Variants in SOS1 observed in about 807,000 individuals in gnomAD.
The protein encoded by SOS1 is SOS Ras/Rac guanine nucleotide exchange factor 1, also known as son of sevenless homolog 1.
A neutral mutation model predicts 157.6 loss-of-function variants in SOS1; 25 were observed. The observed-to-expected ratio is 0.16, with a 90% CI of 0.12 to 0.22. SOS1 has a LOEUF of 0.22. SOS1 is among the 10% of genes least tolerant of loss of function. The pLI is 1.00. For synonymous variants in SOS1, 528 were observed against 534.0 expected, an observed-to-expected ratio of 0.99 and a Z score of 0.16; for missense variants, 1,237 against 1,599.1, an observed-to-expected ratio of 0.77 and a Z score of 3.86.
intron 6 of SOS1, among the ~76,000 whole-genome samples, chr2:39,047,475 GC>G (rs1246185571): frequency 6.6e-6 from 1 of 152,108 alleles, no homozygotes; most frequent in Non-Finnish European, 1.5e-5. Flanking sequence ...TTACACCCTA[GC>G]CCCCACCAGC....
At chr2:39,101,478 A>T (rs1672965137) in intron 1 of SOS1, among the ~76,000 whole-genome samples, 1 of 152,220 alleles carries the variant, frequency 6.6e-6, no homozygotes, top group Non-Finnish European at 1.5e-5. Flanking sequence ...TACAGAAATA[A>T]ACTTTATGCA....
intron 1 of SOS1, among the ~76,000 whole-genome samples, chr2:39,104,759 C>A (rs1572895313): frequency 6.6e-6 from 1 of 152,196 alleles, no homozygotes; most frequent in East Asian, 1.9e-4. Flanking sequence ...CTGGTACATA[C>A]TGCAACACAG....
chr2:39,071,063 T>C (rs761770770), intron 1 of SOS1, among the ~76,000 whole-genome samples: 60 of 152,088 alleles, frequency 3.9e-4, no homozygotes, highest in Non-Finnish European at 7.5e-4. Context: ...AGACCGGGTT[T>C]TACCATGTTG....
intron 4 of SOS1, among the ~76,000 whole-genome samples, chr2:39,055,593 T>C (rs1220007635): frequency 6.6e-6 from 1 of 152,216 alleles, no homozygotes; most frequent in Non-Finnish European, 1.5e-5. Flanking sequence ...AGGTGGGTTT[T>C]TTCACTCTAT....
chr2:39,084,977 T>C (rs1672323163), intron 1 of SOS1, among the ~76,000 whole-genome samples: 2 of 152,190 alleles, frequency 1.3e-5, no homozygotes, highest in African/African-American at 4.8e-5. Context: ...CTGACACAGA[T>C]GGGGCGCTTT....
chr2:39,059,386 G>C (rs767957145), intron 2 of SOS1, among the ~76,000 whole-genome samples: 2 of 152,092 alleles, frequency 1.3e-5, no homozygotes, highest in Non-Finnish European at 2.9e-5. Flanking sequence ...TTAATTTCCA[G>C]AAATTCTTTA....
intron 1 of SOS1, among the ~76,000 whole-genome samples, chr2:39,119,548 G>C (rs1296704380): frequency 6.6e-6 from 1 of 152,106 alleles, no homozygotes; most frequent in African/African-American, 2.4e-5. Context: ...GGTAAATGAA[G>C]AAAAGAAAAC....
chr2:39,043,616 G>A (rs182970867), intron 6 of SOS1, among the ~76,000 whole-genome samples: 3 of 152,344 alleles, frequency 2.0e-5, no homozygotes, highest in Admixed American at 2.0e-4. Context: ...GAGGCTAGAA[G>A]GTCAAGACAG....
rs1196416900 is a variant in SOS1, at chr2:39,014,775, T to C, written c.1930A>G (p.Ile644Val). The C allele has an allele frequency of 1.3e-6, 2 of 1,546,600 alleles. No homozygotes were observed. The highest frequency in any genetic ancestry group is 1.8e-6 in the Non-Finnish European group (2 of 1,119,792). The change falls in exon 11 of 23, where the codon ATA (isoleucine) becomes GTA (valine). Residue 644 changes from isoleucine to valine, a missense_variant. Physicochemically the swap from Ile to Val is conservative, Grantham distance 29. Around this residue, in one of 15 missense-constraint regions of SOS1, gnomAD observed 55 missense variants for 43.1 expected, o/e 1.27. Transcript: ENST00000402219. ...FCKPQELLSL[I>V]IERFEIPEPE... is the part of the protein sequence containing the mutation. ...TTTAAATGGACAGACCTTTCTATTA[T>C]AAGACTCAGTAGTTCTTGAGGTTTG... is the stretch of plus-strand genomic sequence containing the variant.
chr2:38,998,631 G>T (rs193234755), intron 17 of SOS1, among the ~76,000 whole-genome samples: 28 of 152,236 alleles, frequency 1.8e-4, no homozygotes, highest in African/African-American at 6.7e-4. Context: ...AGGACAGGAG[G>T]GTTGCTGTGA....
intron 1 of SOS1, among the ~76,000 whole-genome samples, chr2:39,119,415 G>C (rs1480787065): frequency 1.3e-5 from 2 of 152,178 alleles, no homozygotes; most frequent in East Asian, 1.9e-4. Context: ...TTAATGTTTA[G>C]CATAAAAGGT....
intron 10 of SOS1, among the ~76,000 whole-genome samples, chr2:39,018,259 CA>C (rs146301196): frequency 0.013 from 2,038 of 151,916 alleles, 20 homozygotes; most frequent in Non-Finnish European, 0.021. Flanking sequence ...AATTCTTTCT[CA>C]AACATGATCT....
At position 39,120,524 on chromosome 2, in the gene SOS1, ACCGGACGGCCCGGCCCCCT is replaced by A; in HGVS notation, c.-121_-103del. ...CAGCGCGGAACAGGGCCGCGGCCCC[ACCGGACGGCCCGGCCCCCT>A]CCGGGCGCCGCGCAGCCGGGCTAGC... is the stretch of plus-strand genomic sequence containing the variant. On this transcript the variant is annotated 5_prime_UTR_variant, in exon 1 of 23. Transcript: ENST00000402219. The A allele has an allele frequency of 1.7e-6, 2 of 1,145,538 alleles. No individual in the cohort carries two copies. Among genetic ancestry groups the A allele is most frequent in the Non-Finnish European group, 2.1e-6 (2 of 933,680 alleles). 71.0% of individuals were successfully genotyped at this position (1,145,538 alleles called of 1,614,324 possible).
intron 1 of SOS1, among the ~76,000 whole-genome samples, chr2:39,119,931 C>G (rs201729898): frequency 4.6e-5 from 7 of 152,102 alleles, no homozygotes; most frequent in Non-Finnish European, 1.0e-4. Context: ...AGGGCATTCT[C>G]AAGCCACTAA....
rs1216317593 is a variant in SOS1 at position 39,120,505 on chromosome 2, G to A, written c.-83C>T. ...CCGCGAGAGGGCGAGCTCGCAGCGC[G>A]GAACAGGGCCGCGGCCCCACCGGAC... is the stretch of plus-strand genomic sequence containing the variant. On this transcript the variant is annotated 5_prime_UTR_variant, in exon 1 of 23. Coordinates refer to ENST00000402219, the MANE Select transcript of SOS1 (RefSeq NM_005633.4). The A allele has an allele frequency of 3.2e-6, 4 of 1,235,482 alleles. No individual in the cohort carries two copies. The highest frequency in any genetic ancestry group is 4.5e-5 in the Admixed American group (1 of 22,374). The allele number at this position is 1,235,482 out of a possible 1,614,324, so 76.5% of individuals were successfully genotyped here.
intron 1 of SOS1, among the ~76,000 whole-genome samples, chr2:39,116,692 C>G (rs1272631602): frequency 6.6e-6 from 1 of 152,148 alleles, no homozygotes; most frequent in Non-Finnish European, 1.5e-5. Context: ...GAAACCCCAT[C>G]TCTACAAAAA....
intron 1 of SOS1, among the ~76,000 whole-genome samples, chr2:39,093,970 C>T (rs1672681250): frequency 6.6e-6 from 1 of 152,118 alleles, no homozygotes; most frequent in African/African-American, 2.4e-5. Flanking sequence ...TGTTACATAC[C>T]TTAACTCTCT....
At chr2:39,121,627 A>T (rs1352698271), upstream of SOS1, among the ~76,000 whole-genome samples, 1 of 152,242 alleles carries the variant, frequency 6.6e-6, no homozygotes, top group African/African-American at 2.4e-5. Context: ...TCCAGTGGAT[A>T]TCGAGACCTC....
rs201218035 is a variant in SOS1, at chr2:39,120,469, G to A, written c.-47C>T. The A allele has an allele frequency of 4.0e-6, 6 of 1,493,758 alleles. No homozygotes were observed. The South Asian group carries it at 5.0e-5, about 12-fold the overall frequency. The allele number at this position is 1,493,758 out of a possible 1,614,324, so 92.5% of individuals were successfully genotyped here. On this transcript the variant is annotated 5_prime_UTR_variant, in exon 1 of 23. Transcript: ENST00000402219. ...GGCGGGGAGAGGGGCGGCGGCGGCC[G>A]GGCCAGGGAGCCGCGAGAGGGCGAG...
Sources: gnomAD v4.1 joint callset for allele counts (sites outside exome capture counted in the v4.1 genomes callset) on GRCh38, gnomAD v4.1.1 for gene constraint, gnomAD v4.1.1 regional missense constraint, MANE v1.5 for transcripts, NCBI Gene and HGNC (gene_info 2026-07-23, HGNC 2026-07-21) for gene names.